CHST8: variants seen among roughly 807,000 people sequenced by gnomAD.
CHST8 encodes the protein carbohydrate sulfotransferase 8, also known as GALNAC-4-ST1.
Under a neutral mutation model 15.0 loss-of-function variants are expected in CHST8, and 10 were observed. The ratio of observed to expected loss-of-function variants is 0.67; its 90% CI spans 0.41 to 1.13. The LOEUF is 1.13. Among genes scored for constraint, CHST8 ranks in the 50% most tolerant of loss-of-function variants. The pLI is 0.00. For synonymous variants in CHST8, 259 were observed against 256.6 expected (o/e 1.01, Z -0.09); for missense variants, 634 against 608.2 (o/e 1.04, Z -0.45).
chr19:33,721,637 G>C (rs1207063408), intron 3 of CHST8, among the ~76,000 whole-genome samples: 1 of 146,782 alleles, frequency 6.8e-6, no homozygotes, highest in African/African-American at 2.5e-5. Context: ...TGGATGTGTG[G>C]GTGGGTGGGT....
chr19:33,698,652 G>A (rs1436204968), intron 3 of CHST8, among the ~76,000 whole-genome samples: 1 of 152,010 alleles, frequency 6.6e-6, no homozygotes, highest in Non-Finnish European at 1.5e-5. Flanking sequence ...CCATTCACTG[G>A]GGCAGATGTG....
chr19:33,691,545 T>A (rs1973099245), intron 3 of CHST8, among the ~76,000 whole-genome samples: 1 of 152,124 alleles, frequency 6.6e-6, no homozygotes, highest in Non-Finnish European at 1.5e-5. Context: ...CTAATTGTGA[T>A]TCGGTACCAA....
chr19:33,689,844 C>T (rs563217949), intron 3 of CHST8, among the ~76,000 whole-genome samples: 4 of 152,226 alleles, frequency 2.6e-5, no homozygotes, highest in African/African-American at 9.6e-5. Flanking sequence ...GGTCAGGGTA[C>T]CTCCTGGTTT....
intron 1 of CHST8, among the ~76,000 whole-genome samples, chr19:33,632,394 A>G (rs1053577270): frequency 2.0e-5 from 3 of 152,130 alleles, no homozygotes; most frequent in Non-Finnish European, 4.4e-5. Context: ...AGCTCAAGCC[A>G]TCCACCTGCC....
rs1377751146 is a variant in CHST8, at chr19:33,773,171, C to T, written c.*108C>T. ...CCTGGGAGCAACAGGGCTCTGAGGA[C>T]GTGAGGAGCCATCGCTGTGGGAGGC... On this transcript the variant is annotated 3_prime_UTR_variant, in exon 5 of 5. Coordinates refer to ENST00000650847, the MANE Select transcript of CHST8 (RefSeq NM_001127895.2). 5.5e-6 allele frequency: 7 copies of T among 1,268,322 alleles called. No individual in the cohort carries two copies. In the South Asian group the frequency reaches 7.7e-5, roughly 14 times the overall value. 78.6% of individuals were successfully genotyped at this position (1,268,322 alleles called of 1,614,324 possible).
chr19:33,662,906 C>G (rs931795236), intron 1 of CHST8, among the ~76,000 whole-genome samples: 1 of 152,186 alleles, frequency 6.6e-6, no homozygotes, highest in Non-Finnish European at 1.5e-5. Flanking sequence ...AAAAGTCAAG[C>G]TTCTGAGACA....
chr19:33,714,305 G>A (rs768080173), intron 3 of CHST8, among the ~76,000 whole-genome samples: 9 of 151,622 alleles, frequency 5.9e-5, no homozygotes, highest in Non-Finnish European at 1.0e-4. Context: ...ATATACCATG[G>A]AATACTATGC....
intron 3 of CHST8, among the ~76,000 whole-genome samples, chr19:33,708,861 C>T (rs920923087): frequency 3.3e-5 from 5 of 152,290 alleles, no homozygotes; most frequent in East Asian, 1.9e-4. Context: ...AATCCATGAA[C>T]GTGGAATGTC....
chr19:33,709,847 A>T (rs781619401), intron 3 of CHST8, among the ~76,000 whole-genome samples: 2 of 152,106 alleles, frequency 1.3e-5, no homozygotes, highest in Non-Finnish European at 2.9e-5. Context: ...GTGAGACATT[A>T]CTTTTTTTAA....
intron 3 of CHST8, among the ~76,000 whole-genome samples, chr19:33,755,549 C>T (rs1285018617): frequency 6.6e-6 from 1 of 152,264 alleles, no homozygotes; most frequent in Admixed American, 6.5e-5. Flanking sequence ...TGGCCCGCTC[C>T]TCATCCCTGC....
chr19:33,746,138 G>C (rs1289377737), intron 3 of CHST8, among the ~76,000 whole-genome samples: 1 of 152,168 alleles, frequency 6.6e-6, no homozygotes, highest in African/African-American at 2.4e-5. Context: ...ATACAAGCAA[G>C]ATGTCTGCAA....
intron 3 of CHST8, among the ~76,000 whole-genome samples, chr19:33,721,172 G>A (rs960362033): frequency 5.7e-4 from 87 of 152,320 alleles, no homozygotes; most frequent in African/African-American, 2.0e-3. Flanking sequence ...CTGGGGGCCC[G>A]CAGCCATGGC....
intron 1 of CHST8, among the ~76,000 whole-genome samples, chr19:33,644,448 A>G (rs1972324140): frequency 1.3e-5 from 2 of 150,712 alleles, no homozygotes; most frequent in African/African-American, 4.9e-5. Flanking sequence ...ACTTAAGTAT[A>G]TGATGGCCGG....
At chr19:33,768,155 GT>G (rs1974889607) in intron 3 of CHST8, among the ~76,000 whole-genome samples, 1 of 152,228 alleles carries the variant, frequency 6.6e-6, no homozygotes, top group African/African-American at 2.4e-5. Flanking sequence ...GCCAGCAGTG[GT>G]TTTTGCTTCA....
chr19:33,683,472 C>T (rs766227877), intron 2 of CHST8, among the ~76,000 whole-genome samples: 6 of 152,168 alleles, frequency 3.9e-5, no homozygotes, highest in Non-Finnish European at 8.8e-5. Context: ...CCACTGGGCT[C>T]CCTGGGGGCC....
chr19:33,760,647 T>C (rs1974703810), intron 3 of CHST8, among the ~76,000 whole-genome samples: 1 of 152,140 alleles, frequency 6.6e-6, no homozygotes, highest in Non-Finnish European at 1.5e-5. Flanking sequence ...CTTCAGTCTC[T>C]GGACCCATCT....
intron 3 of CHST8, among the ~76,000 whole-genome samples, chr19:33,701,794 G>A (rs1488838751): frequency 1.3e-5 from 2 of 152,194 alleles, no homozygotes; most frequent in East Asian, 1.9e-4. Flanking sequence ...ATTTTCCCTC[G>A]CCCTCCTCGG....
chr19:33,697,892 C>T (rs948320595), intron 3 of CHST8, among the ~76,000 whole-genome samples: 1 of 152,222 alleles, frequency 6.6e-6, no homozygotes, highest in African/African-American at 2.4e-5. Context: ...GCCCTGGGCC[C>T]AGCAGGCCCT....
At position 33,757,538 on chromosome 19, in the gene CHST8, AAGAAAGAAAGAAAGAAAG is replaced by A. The variant is rs1974617000; in HGVS notation, c.131-13873_131-13856del. Among the ~76,000 whole-genome samples the A allele has an allele frequency of 2.8e-5, 2 of 72,518 alleles. 1 individual carries two copies. The highest frequency in any genetic ancestry group is 2.8e-4 in the Admixed American group (2 of 7,088). The allele number at this position is 72,518 out of a possible 152,430, so 47.6% of individuals were successfully genotyped here. On this transcript the variant is annotated intron_variant, in intron 3 of 4. Coordinates refer to ENST00000650847, the MANE Select transcript of CHST8 (RefSeq NM_001127895.2). ...AGAAAGAAAGAGAAAGAAAGAAAGA[AAGAAAGAAAGAAAGAAAG>A]AAAGAAAGAAAGAAAGAAAGAAAGA...
Sources: allele counts gnomAD v4.1 joint callset (sites outside exome capture counted in the v4.1 genomes callset), GRCh38; gene constraint gnomAD v4.1.1; transcripts MANE v1.5; gene names NCBI Gene and HGNC (gene_info 2026-07-23, HGNC 2026-07-21).